SERPINB8: variants seen among roughly 807,000 people sequenced by gnomAD.
SERPINB8 encodes serpin family B member 8, also known as serpin B8.
In SERPINB8, 25 loss-of-function variants were observed where a neutral mutation model predicts 35.3. The observed-to-expected ratio is 0.71, with a 90% CI of 0.52 to 0.99. The LOEUF (loss-of-function observed/expected upper bound fraction) is 0.99, where lower values mean the gene tolerates loss of function less well. Among genes scored for constraint, SERPINB8 ranks in the 50% least tolerant of loss-of-function variants. The pLI, the probability that SERPINB8 is intolerant of heterozygous loss-of-function variation, is 0.00. For missense variants in SERPINB8, 484 were observed against 446.5 expected, an observed-to-expected ratio of 1.08 and a Z score of -0.76; for synonymous variants, 186 against 160.8, an observed-to-expected ratio of 1.16 and a Z score of -1.19.
chr18:63,971,413 T>A (rs1278066881), intron 1 of SERPINB8, among the ~76,000 whole-genome samples: 1 of 152,238 alleles, frequency 6.6e-6, no homozygotes, highest in African/African-American at 2.4e-5. Context: ...CAGGTTCACC[T>A]GGTATGGTGT....
At chr18:64,017,400 T>C (rs904246261) in intron 7 of SERPINB8, among the ~76,000 whole-genome samples, 1 of 152,182 alleles carries the variant, frequency 6.6e-6, no homozygotes, top group Admixed American at 6.6e-5. Context: ...ATAAATTTTA[T>C]TGTATTCCAT....
In SERPINB8 at chr18:63,984,801, G is replaced by A. The variant is rs6567409; in HGVS notation, c.568-292G>A. The stretch of plus-strand genomic sequence containing the variant: ...GAAGCTTCCATGAGAAAGCTTCTCT[G>A]TGAATGTTCTCAAAAAAGCAAACAC... On this transcript the variant is annotated intron_variant, in intron 5 of 6. Coordinates refer to ENST00000397985, the MANE Select transcript of SERPINB8 (RefSeq NM_002640.4). 0.12 allele frequency among the ~76,000 whole-genome samples: 18,698 copies of A among 152,064 alleles called. 1,582 individuals are homozygous for A. Among genetic ancestry groups the A allele is most frequent in the African/African-American group, 0.23 (9,734 of 41,458 alleles).
At chr18:63,983,554 C>G (rs1176714061) in intron 4 of SERPINB8, 25 bp from the exon 5 acceptor site, 1 of 1,608,450 alleles carries the variant, frequency 6.2e-7, no homozygotes, top group South Asian at 1.1e-5. Flanking sequence ...CCACAAATTG[C>G]AATAAACTCT....
At chr18:64,009,407 A>G (rs2050915504), downstream of SERPINB8, among the ~76,000 whole-genome samples, 1 of 152,234 alleles carries the variant, frequency 6.6e-6, no homozygotes, top group Admixed American at 6.5e-5. Flanking sequence ...AAAAAGATCA[A>G]GTTGAGAAGA....
At chr18:64,015,943 A>G (rs2050947876) in intron 7 of SERPINB8, among the ~76,000 whole-genome samples, 1 of 152,224 alleles carries the variant, frequency 6.6e-6, no homozygotes, top group Admixed American at 6.5e-5. Flanking sequence ...ATTCAATTAG[A>G]GAACCAAGGC....
At chr18:64,009,003 C>A (rs1286123341), downstream of SERPINB8, among the ~76,000 whole-genome samples, 1 of 152,096 alleles carries the variant, frequency 6.6e-6, no homozygotes, top group Non-Finnish European at 1.5e-5. Flanking sequence ...TAGAACGCAG[C>A]ATACAGTTAG....
chr18:63,979,977 A>G, intron 3 of SERPINB8, 39 bp downstream of exon 3: 11 of 1,603,902 alleles, frequency 6.9e-6, no homozygotes, highest in Non-Finnish European at 9.4e-6. Context: ...AGAAATTGAA[A>G]GTAAGTTAGA....
At chr18:64,014,384 A>G (rs890172548) in intron 7 of SERPINB8, among the ~76,000 whole-genome samples, 2 of 152,146 alleles carry the variant, frequency 1.3e-5, no homozygotes, top group African/African-American at 4.8e-5. Flanking sequence ...TGAACCTGTT[A>G]CAATTGAGGT....
chr18:63,970,138 C>CGGCGGT lies in SERPINB8; in HGVS notation c.-38_-37insTGGCGG. On this transcript the variant is annotated 5_prime_UTR_variant, in exon 1 of 7. Transcript: ENST00000397985. Reference sequence around the variant, plus strand: ...GGAATAGTCAAAGCAGCAGCGGCGGCGGCGGCGGCGGCAGCAGCAGCAGCA... The same window carrying CGGCGGT: ...GGAATAGTCAAAGCAGCAGCGGCGGCGGCGGTGGCGGCGGCGGCAGCAGCAGCAGCA... 1 of 365,350 alleles carries CGGCGGT rather than the reference C, an allele frequency of 2.7e-6. No individual in the cohort carries two copies. 22.6% of individuals were successfully genotyped at this position (365,350 alleles called of 1,614,324 possible).
At chr18:64,014,409 C>T (rs189548799) in intron 7 of SERPINB8, among the ~76,000 whole-genome samples, 264 of 152,200 alleles carry the variant, frequency 1.7e-3, no homozygotes, top group African/African-American at 6.0e-3. Flanking sequence ...GCAATGTATA[C>T]ATTTAAATTT....
intron 1 of SERPINB8, among the ~76,000 whole-genome samples, chr18:63,995,575 A>T (rs563215999): frequency 1.3e-5 from 2 of 152,266 alleles, no homozygotes; most frequent in South Asian, 2.1e-4. Context: ...ATGTGCCCCT[A>T]CTGGCCTTCA....
intron 1 of SERPINB8, among the ~76,000 whole-genome samples, chr18:63,972,129 T>C (rs538122471): frequency 2.0e-5 from 3 of 152,296 alleles, no homozygotes; most frequent in Middle Eastern, 3.4e-3. Flanking sequence ...AACTGGAATA[T>C]TGTCATCGCT....
chr18:63,982,933 C>G (rs2050694572), intron 4 of SERPINB8, among the ~76,000 whole-genome samples: 1 of 151,926 alleles, frequency 6.6e-6, no homozygotes, highest in Non-Finnish European at 1.5e-5. Context: ...CCATTCACCC[C>G]CTTCAGAGAG....
intron 1 of SERPINB8, among the ~76,000 whole-genome samples, chr18:63,997,897 C>T (rs1369016522): frequency 6.6e-6 from 1 of 152,166 alleles, no homozygotes; most frequent in Non-Finnish European, 1.5e-5. Flanking sequence ...ATGAGCAGAC[C>T]GTGCATGTCA....
chr18:64,001,248 A>C (rs562387677), intron 1 of SERPINB8, among the ~76,000 whole-genome samples: 1 of 152,310 alleles, frequency 6.6e-6, no homozygotes, highest in East Asian at 1.9e-4. Context: ...AGTACTAAGG[A>C]AGTGAATTTT....
chr18:64,010,602 T>A (rs977259311), downstream of SERPINB8, among the ~76,000 whole-genome samples: 1 of 152,140 alleles, frequency 6.6e-6, no homozygotes, highest in African/African-American at 2.4e-5. Context: ...TTACTAATAC[T>A]GTTGGGAGGT....
intron 6 of SERPINB8, chr18:63,986,278 GAATTTGAAGCT>G (rs1388449229): frequency 6.2e-7 from 1 of 1,610,066 alleles, no homozygotes; most frequent in African/African-American, 1.3e-5. Flanking sequence ...GGATCTTGAA[GAATTTGAAGCT>G]AACTCCAGGA....
At chr18:63,981,614 C>T in intron 3 of SERPINB8, 107 bp from the exon 4 acceptor site, 1 of 750,884 alleles carries the variant, frequency 1.3e-6, no homozygotes, top group Non-Finnish European at 2.3e-6. Context: ...TGGAGTGTGA[C>T]CTGTCCAAGC....
chr18:63,985,212 T>G lies in SERPINB8; in HGVS notation c.687T>G (p.Ile229Met), dbSNP rs147989456. The change falls in exon 6 of 7, where the codon ATT becomes ATG. Residue 229 changes from isoleucine (I) to methionine (M), a missense_variant. Ile to Met is a conservative substitution (Grantham distance 10). Transcript: ENST00000397985. ...PYVEEELSMVILLPDDNTDLA... is the reference protein window; with the variant it reads ...PYVEEELSMVMLLPDDNTDLA... The stretch of plus-strand genomic sequence containing the variant: ...TGGAAGAGGAGCTGAGCATGGTCAT[T>G]CTGCTTCCCGATGACAACACGGACC... The G allele has an allele frequency of 2.5e-6, 4 of 1,614,062 alleles. No individual in the cohort carries two copies. The African/African-American group carries it at 4.0e-5, about 16-fold the overall frequency.
Sources: gnomAD v4.1 joint callset for allele counts (sites outside exome capture counted in the v4.1 genomes callset) on GRCh38, gnomAD v4.1.1 for gene constraint, MANE v1.5 for transcripts, NCBI Gene and HGNC (gene_info 2026-07-23, HGNC 2026-07-21) for gene names.